CTNNA2: variants seen among roughly 807,000 people sequenced by gnomAD.
CTNNA2 encodes the protein catenin alpha 2.
In CTNNA2, 42 loss-of-function variants were observed where a neutral mutation model predicts 101.0. The observed-to-expected ratio is 0.42, with a 90% CI of 0.32 to 0.54. The LOEUF (loss-of-function observed/expected upper bound fraction) is 0.54, where lower values mean the gene tolerates loss of function less well. CTNNA2 is among the 20% of genes least tolerant of loss of function. The pLI, the probability that CTNNA2 is intolerant of heterozygous loss-of-function variation, is 0.14. For missense variants in CTNNA2, 871 were observed against 1,223.1 expected (o/e 0.71, Z 4.29); for synonymous variants, 450 against 456.4 (o/e 0.99, Z 0.18).
At chr2:79,860,546 G>GTTTTTTTTTTT (rs56929879) in intron 4 of CTNNA2, among the ~76,000 whole-genome samples, 8,646 of 106,562 alleles carry the variant, frequency 0.081, 734 homozygotes, top group East Asian at 0.28. Context: ...AGTAAGGGAA[G>GTTTTTTTTTTT]TTTTTTTTTT....
intron 3 of CTNNA2, among the ~76,000 whole-genome samples, chr2:79,800,442 G>A (rs778701377): frequency 6.6e-6 from 1 of 152,004 alleles, no homozygotes; most frequent in Non-Finnish European, 1.5e-5. Flanking sequence ...TTTGCTATTA[G>A]TATTACCTTT....
At position 79,741,126 on chromosome 2, in the gene CTNNA2, C is replaced by A. The variant is rs183883224; in HGVS notation, c.103-3261C>A. On this transcript the variant is annotated intron_variant, in intron 2 of 18. Coordinates refer to ENST00000402739, the MANE Select transcript of CTNNA2 (RefSeq NM_001282597.3). ...AATCAGTGAATTTGCATAGCAAGGG[C>A]TAGGCTGAGAATTCCCAAGAGTGGT... Among the ~76,000 whole-genome samples, 4 of 152,172 alleles carry A rather than the reference C, an allele frequency of 2.6e-5. No individual in the cohort carries two copies. In the East Asian group the frequency reaches 5.8e-4, roughly 22 times the overall value.
chr2:80,306,273 A>G (rs887732510), intron 7 of CTNNA2, among the ~76,000 whole-genome samples: 2 of 151,998 alleles, frequency 1.3e-5, no homozygotes, highest in Non-Finnish European at 2.9e-5. Context: ...TAGAAAATCA[A>G]CCCCCTTAAT....
intron 8 of CTNNA2, among the ~76,000 whole-genome samples, chr2:80,395,205 C>G (rs1427979349): frequency 2.6e-5 from 4 of 152,156 alleles, no homozygotes; most frequent in African/African-American, 9.7e-5. Context: ...GGAGAGCTTC[C>G]TGTAAGATGG....
At chr2:79,924,292 G>A (rs902444402) in intron 7 of CTNNA2, among the ~76,000 whole-genome samples, 1 of 151,968 alleles carries the variant, frequency 6.6e-6, no homozygotes, top group African/African-American at 2.4e-5. Flanking sequence ...CTACATCTTT[G>A]GGGTTTTGCA....
intron 3 of CTNNA2, among the ~76,000 whole-genome samples, chr2:79,337,669 A>T (rs1027995585): frequency 2.7e-4 from 41 of 152,240 alleles, no homozygotes; most frequent in Admixed American, 2.6e-3. Context: ...TAAAATGGAA[A>T]GTTCATTCAT....
At chr2:79,653,722 T>G (rs1290634727) in intron 2 of CTNNA2, among the ~76,000 whole-genome samples, 2 of 152,184 alleles carry the variant, frequency 1.3e-5, no homozygotes, top group African/African-American at 4.8e-5. Context: ...TTCTTTTGGC[T>G]TAATAGTTAT....
rs558485134 is a variant in CTNNA2 at position 79,203,278 on chromosome 2, C to T, written c.-406+5202C>T. Among the ~76,000 whole-genome samples, 42 of 152,100 alleles carry T rather than the reference C, an allele frequency of 2.8e-4. 1 individual carries two copies. In the South Asian group the frequency reaches 8.7e-3, roughly 32 times the overall value. On this transcript the variant is annotated intron_variant, in intron 2 of 21. Coordinates refer to the CTNNA2 transcript ENST00000466387. ...ACTCCAGTTATTATTTTAAACTAAG[C>T]GCAGATCCAAATTCATTAGAAAATA...
chr2:80,446,301 A>ATGTT (rs1683063182), intron 9 of CTNNA2, among the ~76,000 whole-genome samples: 1 of 152,186 alleles, frequency 6.6e-6, no homozygotes, highest in Non-Finnish European at 1.5e-5. Context: ...TTAGGCTTGC[A>ATGTT]TGTTTATAAA....
chr2:79,425,749 C>A (rs138064665), intron 4 of CTNNA2, among the ~76,000 whole-genome samples: 1 of 152,100 alleles, frequency 6.6e-6, no homozygotes. Context: ...GATTTGCTTG[C>A]GTAATTATAT....
chr2:79,743,433 C>A (rs1671432074), intron 2 of CTNNA2, among the ~76,000 whole-genome samples: 1 of 151,986 alleles, frequency 6.6e-6, no homozygotes, highest in Admixed American at 6.6e-5. Flanking sequence ...ATAATAGATT[C>A]AAATCTTATT....
chr2:80,595,393 A>G (rs999459242), intron 15 of CTNNA2, among the ~76,000 whole-genome samples: 14 of 152,108 alleles, frequency 9.2e-5, no homozygotes, highest in African/African-American at 3.4e-4. Flanking sequence ...CATTTTCTAC[A>G]TGTAAGATCA....
At position 80,241,259 on chromosome 2, in the gene CTNNA2, G is replaced by A. The variant is rs115338524; in HGVS notation, c.1057-151952G>A. Among the ~76,000 whole-genome samples, 874 of 151,214 alleles carry A rather than the reference G, an allele frequency of 5.8e-3. 12 individuals carry two copies. The highest frequency in any genetic ancestry group is 0.02 in the African/African-American group (827 of 40,950). On this transcript the variant is annotated intron_variant, in intron 7 of 18. Transcript: ENST00000402739. ...TCAGGAGTACTTCTAATGCACTGCA[G>A]TATTTGTTTACTCAGTGACCAGGAA...
At position 79,330,132 on chromosome 2, in the gene CTNNA2, G is replaced by T. The variant is rs1024885470; in HGVS notation, c.-318+17336G>T. Among the ~76,000 whole-genome samples, 4 of 152,158 alleles carry T rather than the reference G, an allele frequency of 2.6e-5. No individual in the cohort carries two copies. The South Asian group carries it at 8.3e-4, about 32-fold the overall frequency. On this transcript the variant is annotated intron_variant, in intron 3 of 21. Transcript: ENST00000466387. Reference sequence around the variant, plus strand: ...CACCTCTACCTGGCACTAATTCCAGGCTGTGCTGAGAGGAGATCAGTCCTA... The same window carrying T: ...CACCTCTACCTGGCACTAATTCCAGTCTGTGCTGAGAGGAGATCAGTCCTA...
intron 7 of CTNNA2, among the ~76,000 whole-genome samples, chr2:80,122,321 CCT>C (rs1491120855): frequency 6.6e-6 from 1 of 150,650 alleles, no homozygotes; most frequent in Non-Finnish European, 1.5e-5. Context: ...TCTGTTTCCC[CCT>C]CTTTCTCTGT....
chr2:80,312,598 A>G (rs1043368618), intron 7 of CTNNA2, among the ~76,000 whole-genome samples: 1 of 152,260 alleles, frequency 6.6e-6, no homozygotes, highest in African/African-American at 2.4e-5. Context: ...ATCAAAGAAT[A>G]AGAGAGCTGA....
rs960755858 is a variant in CTNNA2 at position 80,546,059 on chromosome 2, C to T, written c.1536C>T (p.Val512=). ...DITSVDDFLS[V]SENHILEDVN... is the part of the protein sequence containing the mutation. The stretch of plus-strand genomic sequence containing the variant: ...CCTCAGTGGATGACTTCCTCTCTGT[C>T]TCAGGTAATCATCACAAACAGGTCC... Residue 512 remains valine (V), a synonymous_variant, in exon 11 of 19, where the codon GTC becomes GTT. Coordinates refer to ENST00000402739, the MANE Select transcript of CTNNA2 (RefSeq NM_001282597.3). 2 of 1,613,772 alleles carry T rather than the reference C, an allele frequency of 1.2e-6. No homozygotes were observed. The highest frequency in any genetic ancestry group is 2.2e-5 in the East Asian group (1 of 44,822).
At chr2:79,645,239 A>G (rs1349944747) in intron 1 of CTNNA2, among the ~76,000 whole-genome samples, 3 of 152,122 alleles carry the variant, frequency 2.0e-5, no homozygotes, top group South Asian at 2.1e-4. Context: ...TTCCCATCTC[A>G]GCCTCCCAAA....
chr2:79,687,444 C>CTTT (rs35164413), intron 2 of CTNNA2: 260 of 419,722 alleles, frequency 6.2e-4, no homozygotes, highest in Middle Eastern at 2.8e-3. Flanking sequence ...TTTGGATCTG[C>CTTT]TTTTTTTTTT....
Sources: gnomAD v4.1 joint callset for allele counts (sites outside exome capture counted in the v4.1 genomes callset) on GRCh38, gnomAD v4.1.1 for gene constraint, MANE v1.5 for transcripts, NCBI Gene and HGNC (gene_info 2026-07-23, HGNC 2026-07-21) for gene names.